CPA6: variants seen among roughly 807,000 people sequenced by gnomAD.
CPA6 encodes the protein carboxypeptidase B.
CPA6 carries 58 observed loss-of-function variants against 63.3 expected under a neutral mutation model. The observed-to-expected ratio is 0.92, with a 90% confidence interval of 0.74 to 1.14. The LOEUF (loss-of-function observed/expected upper bound fraction) is 1.14. Ranked by LOEUF, CPA6 falls within the 50% of genes most tolerant of loss-of-function variation. The pLI is 0.00. For synonymous variants in CPA6, 185 were observed against 179.0 expected (o/e 1.03, Z -0.27); for missense variants, 565 against 526.6 (o/e 1.07, Z -0.71).
intron 8 of CPA6, among the ~76,000 whole-genome samples, chr8:67,454,775 G>A (rs543283104): frequency 3.3e-5 from 5 of 152,296 alleles, no homozygotes; most frequent in South Asian, 4.1e-4. Flanking sequence ...ACACTTCAGC[G>A]ATTTAACTTC....
At chr8:67,557,969 C>T (rs1813106453) in intron 2 of CPA6, among the ~76,000 whole-genome samples, 1 of 152,162 alleles carries the variant, frequency 6.6e-6, no homozygotes, top group Non-Finnish European at 1.5e-5. Flanking sequence ...CTGATGGCTT[C>T]CCATTGCCCT....
intron 2 of CPA6, among the ~76,000 whole-genome samples, chr8:67,603,297 C>T (rs1814543492): frequency 6.6e-6 from 1 of 152,020 alleles, no homozygotes; most frequent in Non-Finnish European, 1.5e-5. Context: ...CAGGGTTTGT[C>T]CCAAACTGTT....
chr8:67,660,269 G>C (rs1294845687), intron 1 of CPA6, among the ~76,000 whole-genome samples: 2 of 147,984 alleles, frequency 1.4e-5, no homozygotes, highest in African/African-American at 5.0e-5. Flanking sequence ...AGAATTAAAT[G>C]ACCTTATCCA....
chr8:67,584,864 T>C (rs1813883240), intron 2 of CPA6, among the ~76,000 whole-genome samples: 1 of 152,178 alleles, frequency 6.6e-6, no homozygotes, highest in African/African-American at 2.4e-5. Context: ...ATAGCTAAGA[T>C]AAAGCCAACA....
intron 1 of CPA6, among the ~76,000 whole-genome samples, chr8:67,630,116 T>TAAC (rs1346650936): frequency 1.5e-5 from 2 of 133,186 alleles, no homozygotes; most frequent in African/African-American, 2.9e-5. Flanking sequence ...ATTAAAATAA[T>TAAC]AATAATAATA....
chr8:67,497,717 G>T (rs1302668641), intron 6 of CPA6, among the ~76,000 whole-genome samples: 1 of 151,246 alleles, frequency 6.6e-6, no homozygotes, highest in Non-Finnish European at 1.5e-5. Context: ...TTTGAAATGG[G>T]GTCTTGCTCT....
chr8:67,531,684 T>C (rs1309256568), intron 2 of CPA6, among the ~76,000 whole-genome samples: 1 of 152,104 alleles, frequency 6.6e-6, no homozygotes, highest in Non-Finnish European at 1.5e-5. Flanking sequence ...AAAATATATA[T>C]GGCAAAATGG....
chr8:67,455,785 G>A (rs1810663775), intron 8 of CPA6, among the ~76,000 whole-genome samples: 1 of 151,160 alleles, frequency 6.6e-6, no homozygotes, highest in Non-Finnish European at 1.5e-5. Flanking sequence ...GTGCAGTGGT[G>A]TAATCTGCAG....
intron 1 of CPA6, among the ~76,000 whole-genome samples, chr8:67,738,806 C>A (rs765302194): frequency 3.3e-5 from 5 of 152,106 alleles, no homozygotes; most frequent in African/African-American, 7.2e-5. Flanking sequence ...AGAGGCTGAT[C>A]GAGAAGCCAT....
At chr8:67,624,338 C>G in intron 1 of CPA6, 87 bp from the exon 2 acceptor site, 1 of 670,730 alleles carries the variant, frequency 1.5e-6, no homozygotes, top group Non-Finnish European at 2.5e-6. Flanking sequence ...AAAACTGCCT[C>G]TGCATTTAAG....
At chr8:67,613,510 T>G (rs1212440764) in intron 2 of CPA6, among the ~76,000 whole-genome samples, 1 of 152,128 alleles carries the variant, frequency 6.6e-6, no homozygotes, top group African/African-American at 2.4e-5. Flanking sequence ...ATTGCTACAG[T>G]GTATGTAGAG....
chr8:67,733,127 T>C (rs1333241610), intron 1 of CPA6, among the ~76,000 whole-genome samples: 10 of 123,476 alleles, frequency 8.1e-5, no homozygotes, highest in Non-Finnish European at 1.6e-4. Context: ...ACCCGGGAGG[T>C]GGAGCTTGCA....
chr8:67,544,110 C>T (rs948400903), intron 2 of CPA6, among the ~76,000 whole-genome samples: 4 of 152,068 alleles, frequency 2.6e-5, no homozygotes, highest in African/African-American at 7.2e-5. Flanking sequence ...TTTTAAAATT[C>T]CTGACCATTT....
intron 2 of CPA6, among the ~76,000 whole-genome samples, chr8:67,555,474 C>T (rs928922140): frequency 8.5e-5 from 13 of 152,204 alleles, no homozygotes; most frequent in Non-Finnish European, 1.8e-4. Flanking sequence ...GAAGCCCCCT[C>T]ATCCCCGTAC....
intron 2 of CPA6, among the ~76,000 whole-genome samples, chr8:67,577,267 C>T (rs1813651835): frequency 6.6e-6 from 1 of 152,160 alleles, no homozygotes; most frequent in African/African-American, 2.4e-5. Flanking sequence ...GTATGAGTGA[C>T]AGATGGTAAC....
intron 8 of CPA6, among the ~76,000 whole-genome samples, chr8:67,476,679 C>A (rs1433855756): frequency 6.6e-6 from 1 of 151,786 alleles, no homozygotes; most frequent in Non-Finnish European, 1.5e-5. Context: ...TAAAAGTAAT[C>A]ATTCATGGCA....
At chr8:67,744,631 G>T (rs2623833) in intron 1 of CPA6, among the ~76,000 whole-genome samples, 3 of 151,628 alleles carry the variant, frequency 2.0e-5, no homozygotes. Flanking sequence ...ATCTGACCCG[G>T]CATCAGCCAG....
At chr8:67,536,753 G>A (rs1276556799) in intron 2 of CPA6, among the ~76,000 whole-genome samples, 8 of 152,138 alleles carry the variant, frequency 5.3e-5, no homozygotes, top group Admixed American at 4.6e-4. Flanking sequence ...ATTGATGAGA[G>A]GGCATCCTTG....
chr8:67,506,899 G>A lies in CPA6; in HGVS notation c.535-11C>T, dbSNP rs1372320715. 6.3e-7 allele frequency: 1 copy of A among 1,598,170 alleles called. No individual in the cohort carries two copies. Among genetic ancestry groups the A allele is most frequent in the African/African-American group, 1.3e-5 (1 of 74,610 alleles). On this transcript the variant is annotated splice_polypyrimidine_tract_variant and intron_variant, in intron 5 of 10. Coordinates refer to ENST00000297770, the MANE Select transcript of CPA6 (RefSeq NM_020361.5). The stretch of plus-strand genomic sequence containing the variant: ...TGATCGTCTGCCCAGCTGAAAACAA[G>A]AGCATTCACAGTAACCAACTCAGGC...
Sources: allele counts gnomAD v4.1 joint callset (sites outside exome capture counted in the v4.1 genomes callset), GRCh38; gene constraint gnomAD v4.1.1; transcripts MANE v1.5; gene names NCBI Gene and HGNC (gene_info 2026-07-23, HGNC 2026-07-21).